AMD1: variants seen among roughly 807,000 people sequenced by gnomAD.
The protein encoded by AMD1 is S-adenosylmethionine decarboxylase proenzyme.
A neutral mutation model predicts 40.2 loss-of-function variants in AMD1; 11 were observed. The ratio of observed to expected loss-of-function variants is 0.27; its 90% CI spans 0.17 to 0.45. AMD1 has a LOEUF of 0.45. AMD1 is among the 20% of genes least tolerant of loss of function. The pLI is 1.00. For missense variants in AMD1, 257 were observed against 410.2 expected (o/e 0.63, Z 3.23); for synonymous variants, 121 against 130.8 (o/e 0.93, Z 0.51).
At chr6:110,858,215 A>G in the AMD1 span, 43 of 772,838 alleles carry the variant, frequency 5.6e-5, no homozygotes, top group Middle Eastern at 3.5e-4. Context: ...GTCCCATCCC[A>G]TCCTGCCGCA....
upstream of AMD1, among the ~76,000 whole-genome samples, chr6:110,873,392 T>C (rs1010675432): frequency 2.6e-5 from 4 of 152,152 alleles, no homozygotes; most frequent in Admixed American, 6.5e-5. Flanking sequence ...AAGAGTAGTT[T>C]ATGTACCTAG....
At chr6:110,850,021 C>CA in the AMD1 span, among the ~76,000 whole-genome samples, 20,324 of 119,560 alleles carry the variant, frequency 0.17, 1,556 homozygotes, top group East Asian at 0.32. Context: ...AAAACACTGT[C>CA]AAAAAAAAAA....
the AMD1 span, among the ~76,000 whole-genome samples, chr6:110,831,038 G>A: frequency 1.3e-5 from 2 of 151,956 alleles, no homozygotes; most frequent in African/African-American, 4.8e-5. Context: ...TTTTTAATTC[G>A]TTTTGCTCTG....
chr6:110,819,716 C>T, the AMD1 span, among the ~76,000 whole-genome samples: 1 of 152,152 alleles, frequency 6.6e-6, no homozygotes, highest in Non-Finnish European at 1.5e-5. Flanking sequence ...AAGGCTGAGA[C>T]CTGCTGTGCT....
chr6:110,874,859 G>A lies in AMD1; in HGVS notation c.-247G>A, dbSNP rs1785012054. The A allele has an allele frequency of 2.1e-6, 1 of 465,828 alleles. No individual in the cohort carries two copies. Among genetic ancestry groups the A allele is most frequent in the Non-Finnish European group, 3.9e-6 (1 of 259,560 alleles). 28.9% of individuals were successfully genotyped at this position (465,828 alleles called of 1,614,324 possible). On this transcript the variant is annotated 5_prime_UTR_variant, in exon 1 of 9. Coordinates refer to ENST00000368885, the MANE Select transcript of AMD1 (RefSeq NM_001634.6). ...CTAACGGGAAAGCAGCGGAATACAA[G>A]AGACTGAACTGTATCTGCCTCTATT...
chr6:110,838,660 A>C, the AMD1 span, among the ~76,000 whole-genome samples: 1 of 151,998 alleles, frequency 6.6e-6, no homozygotes, highest in Non-Finnish European at 1.5e-5. Flanking sequence ...GGAGTTTCAG[A>C]CCACCCTGGC....
rs1786157448 is a variant in AMD1 at position 110,893,567 on chromosome 6, A to G, written c.956A>G (p.Asn319Ser). 6.2e-7 allele frequency: 1 copy of G among 1,614,072 alleles called. No individual in the cohort carries two copies. The highest frequency in any genetic ancestry group is 8.5e-7 in the Non-Finnish European group (1 of 1,179,976). The change falls in exon 9 of 9, where the codon AAT (asparagine) becomes AGT (serine). Residue 319 changes from asparagine to serine, a missense_variant. Asn to Ser is a conservative substitution (Grantham distance 46, BLOSUM62 1). Around this residue, in one of 3 missense-constraint regions of AMD1, gnomAD observed 192 missense variants for 296.5 expected, o/e 0.65. Transcript: ENST00000368885. ...DCQSAMFNDY[N>S]FVFTSFAKKQ... ...CAGAGTGCTATGTTCAATGATTACA[A>G]TTTTGTTTTTACCAGTTTTGCTAAG...
chr6:110,844,426 G>A, the AMD1 span, among the ~76,000 whole-genome samples: 1 of 151,624 alleles, frequency 6.6e-6, no homozygotes, highest in African/African-American at 2.4e-5. Flanking sequence ...CTAAAGTGCT[G>A]GGATTATAGG....
chr6:110,847,715 G>GTTTTTT, the AMD1 span, among the ~76,000 whole-genome samples: 1 of 141,740 alleles, frequency 7.1e-6, no homozygotes. Context: ...TTTGTTTTTT[G>GTTTTTT]TTTTTTGTTT....
chr6:110,857,774 ATATATATATATAGATGG>A, the AMD1 span, among the ~76,000 whole-genome samples: 17 of 147,656 alleles, frequency 1.2e-4, no homozygotes, highest in South Asian at 2.1e-4. Flanking sequence ...TGGTGTGTAT[ATATATATATATAGATGG>A]TATATATATA....
rs767399836 is a variant in AMD1 at position 110,892,143 on chromosome 6, G to A, written c.428-18G>A. On this transcript the variant is annotated intron_variant, in intron 4 of 8. Coordinates refer to ENST00000368885, the MANE Select transcript of AMD1 (RefSeq NM_001634.6). Reference sequence around the variant, plus strand: ...AATGGATGTGTTATATTTATTTTGCGTTCTCTTCCCTCAACAGATGGAGCA... The same window carrying A: ...AATGGATGTGTTATATTTATTTTGCATTCTCTTCCCTCAACAGATGGAGCA... The A allele has an allele frequency of 8.7e-6, 14 of 1,612,694 alleles. No homozygotes were observed. The highest frequency in any genetic ancestry group is 2.2e-5 in the East Asian group (1 of 44,886).
intron 4 of AMD1, 38 bp from the exon 5 acceptor site, chr6:110,892,123 A>T (rs762609407): frequency 2.5e-5 from 40 of 1,604,458 alleles, no homozygotes; most frequent in Non-Finnish European, 3.3e-5. Flanking sequence ...TATTAAATGG[A>T]TGTGTTATAT....
At chr6:110,817,980 C>G in the AMD1 span, among the ~76,000 whole-genome samples, 1 of 152,080 alleles carries the variant, frequency 6.6e-6, no homozygotes, top group Non-Finnish European at 1.5e-5. Context: ...GTACATAAAT[C>G]ATGAGAGAAC....
At chr6:110,827,437 T>G in the AMD1 span, among the ~76,000 whole-genome samples, 1 of 151,910 alleles carries the variant, frequency 6.6e-6, no homozygotes, top group African/African-American at 2.4e-5. Flanking sequence ...GCCACTGCAC[T>G]GGGACCTCAT....
chr6:110,882,568 A>G (rs1169064373), intron 1 of AMD1, among the ~76,000 whole-genome samples: 2 of 152,220 alleles, frequency 1.3e-5, no homozygotes, highest in Non-Finnish European at 2.9e-5. Context: ...TCTTTTATGT[A>G]CATGTATAGC....
Position 110,888,910 on chromosome 6 carries a change from C to T in AMD1, c.251C>T (p.Thr84Ile). The T allele has an allele frequency of 6.2e-7, 1 of 1,613,542 alleles. No individual in the cohort carries two copies. The highest frequency in any genetic ancestry group is 8.5e-7 in the Non-Finnish European group (1 of 1,179,898). ...KRRFILKTCGTTLLLKALVPL... is the reference protein window; with the variant it reads ...KRRFILKTCGITLLLKALVPL... ...CGTTTCATTTTGAAGACATGTGGTA[C>T]CACCCTCTTGCTGAAAGCACTGGTT... is the stretch of plus-strand genomic sequence containing the variant. Residue 84 changes from threonine (T) to isoleucine (I), a missense_variant, in exon 3 of 9, where the codon ACC becomes ATC. Physicochemically the swap from Thr to Ile is moderately conservative, Grantham distance 89 (BLOSUM62 -1). Transcript: ENST00000368885.
the AMD1 span, among the ~76,000 whole-genome samples, chr6:110,829,703 AGGCATG>A: frequency 8.6e-5 from 13 of 150,296 alleles, no homozygotes; most frequent in Non-Finnish European, 1.6e-4. Flanking sequence ...AAAATTAACC[AGGCATG>A]GTGGCACGAG....
chr6:110,827,519 C>T, the AMD1 span, among the ~76,000 whole-genome samples: 1 of 152,030 alleles, frequency 6.6e-6, no homozygotes, highest in Non-Finnish European at 1.5e-5. Context: ...AATGCCAGCA[C>T]TTTGGGAGGC....
At chr6:110,817,541 A>G in the AMD1 span, among the ~76,000 whole-genome samples, 29 of 152,124 alleles carry the variant, frequency 1.9e-4, no homozygotes, top group Non-Finnish European at 2.9e-4. Context: ...CCCGGGAGGC[A>G]GAAGTTGCAG....
Sources: gnomAD v4.1 joint callset for allele counts (sites outside exome capture counted in the v4.1 genomes callset) on GRCh38, gnomAD v4.1.1 for gene constraint, gnomAD v4.1.1 regional missense constraint, MANE v1.5 for transcripts, NCBI Gene and HGNC (gene_info 2026-07-23, HGNC 2026-07-21) for gene names.